Variants in CARMIL2 observed in about 807,000 individuals in gnomAD.
The protein encoded by CARMIL2 is capping protein regulator and myosin 1 linker 2, also known as capping protein, Arp2/3 and myosin-I linker protein 2.
CARMIL2 carries 96 observed loss-of-function variants against 173.3 expected under a neutral mutation model. That is an observed-to-expected ratio of 0.55 (90% CI 0.47 to 0.66). CARMIL2 has a LOEUF of 0.66. CARMIL2 is among the 30% of genes least tolerant of loss of function. CARMIL2 has a pLI of 0.00. For synonymous variants in CARMIL2, 830 were observed against 817.1 expected (o/e 1.02, Z -0.27); for missense variants, 1,771 against 1,906.7 (o/e 0.93, Z 1.33).
rs764001517 is a variant in CARMIL2, at chr16:67,654,541, G to A, written c.3431G>A (p.Arg1144His). ...CTGCGGCCGCCAACCCGTCCCAGCC[G>A]TGGTGAGGAGCTTGGTGGGGCTGAG... ...DLLRPPTRPS[R>H]GEELGGAEGD... The change falls in exon 31 of 38, where the codon CGT (arginine) becomes CAT (histidine). Residue 1144 changes from arginine to histidine, a missense_variant. By Grantham distance (29) the Arg-to-His change is conservative. Transcript: ENST00000334583. 4.3e-6 allele frequency: 7 copies of A among 1,612,050 alleles called. No homozygotes were observed. The highest frequency in any genetic ancestry group is 2.2e-5 in the South Asian group (2 of 90,914).
rs2142914761 is a variant in CARMIL2, at chr16:67,647,358, G to A, written c.747G>A (p.Glu249=). 2 of 1,583,582 alleles carry A rather than the reference G, an allele frequency of 1.3e-6. No homozygotes were observed. Among genetic ancestry groups the A allele is most frequent in the Middle Eastern group, 1.7e-4 (1 of 6,026 alleles). ...TGAGTCAGTCATCACACCTGGAGGA[G>A]CTGGTGCTGGAGACCTGCAGCCTGA... The part of the protein sequence containing the change: ...HMMSQSSHLE[E]LVLETCSLRG... The change falls in exon 10 of 38, where the codon GAG becomes GAA. Residue 249 remains glutamate (E), a synonymous_variant. Coordinates refer to ENST00000334583, the MANE Select transcript of CARMIL2 (RefSeq NM_001013838.3).
Position 67,651,626 on chromosome 16 carries a change from A to G in CARMIL2, c.2428-59A>G. On this transcript the variant is annotated intron_variant, in intron 24 of 37. Coordinates refer to ENST00000334583, the MANE Select transcript of CARMIL2 (RefSeq NM_001013838.3). This position sits in a 1 kb window ranked among gnomAD's most constrained non-coding sequence, Gnocchi z 4.2. The stretch of plus-strand genomic sequence containing the variant: ...AATATTCTGTTGGAGTTGGAGCCTC[A>G]AGCCAGCAGCCTGGTGTCTGGCCAC... 1 of 1,582,192 alleles carries G rather than the reference A, an allele frequency of 6.3e-7. No individual in the cohort carries two copies. The highest frequency in any genetic ancestry group is 8.6e-7 in the Non-Finnish European group (1 of 1,164,774).
At position 67,645,255 on chromosome 16, in the gene CARMIL2, G is replaced by A; in HGVS notation, c.9G>A (p.Gln3=). 6 of 1,600,954 alleles carry A rather than the reference G, an allele frequency of 3.7e-6. No homozygotes were observed. The highest frequency in any genetic ancestry group is 3.4e-6 in the Non-Finnish European group (4 of 1,174,676). The change falls in exon 1 of 38, where the codon CAG becomes CAA. Residue 3 remains glutamine (Q), a synonymous_variant. Transcript: ENST00000334583. MA[Q]TPDGISCELR... ...CCCGGCCCGCCCGGCCCATGGCCCAGACCCCCGACGGCATCTCCTGTGAGC... is the reference window on the plus strand; with the variant it reads ...CCCGGCCCGCCCGGCCCATGGCCCAAACCCCCGACGGCATCTCCTGTGAGC...
intron 1 of CARMIL2, 25 bp from the exon 2 acceptor site, chr16:67,645,515 C>T (rs2052576432): frequency 1.9e-6 from 3 of 1,565,096 alleles, no homozygotes; most frequent in Non-Finnish European, 2.6e-6. Context: ...GGACTGAAGT[C>T]ACCCAGCAGG....
At chr16:67,645,961 G>C in intron 3 of CARMIL2, 57 bp from the exon 4 acceptor site, 1 of 1,606,690 alleles carries the variant, frequency 6.2e-7, no homozygotes, top group South Asian at 1.1e-5. Flanking sequence ...CAAAGGACTG[G>C]ACTTCCATGA....
rs370083303 is a variant in CARMIL2, at chr16:67,647,016, C to A, written c.611+43C>A. Reference sequence around the variant, plus strand: ...ATGGGAGAGGAGGAAGATCCCGGGGCCCATATCCCTGGGCCTCAGTTTCTC... The same window carrying A: ...ATGGGAGAGGAGGAAGATCCCGGGGACCATATCCCTGGGCCTCAGTTTCTC... On this transcript the variant is annotated intron_variant, in intron 8 of 37. Coordinates refer to ENST00000334583, the MANE Select transcript of CARMIL2 (RefSeq NM_001013838.3). 4 of 1,606,802 alleles carry A rather than the reference C, an allele frequency of 2.5e-6. No homozygotes were observed. The African/African-American group carries it at 5.3e-5, about 21-fold the overall frequency.
At chr16:67,647,795 G>GC in intron 12 of CARMIL2, 29 bp downstream of exon 12, 1 of 978,936 alleles carries the variant, frequency 1.0e-6, no homozygotes. Context: ...GGGGTGAGGG[G>GC]AGGGGGGTGG....
chr16:67,656,811 G>A lies in CARMIL2; in HGVS notation c.4047G>A (p.Leu1349=). Residue 1349 remains leucine, a synonymous_variant, in exon 36 of 38, where the codon CTG becomes CTA. Coordinates refer to ENST00000334583, the MANE Select transcript of CARMIL2 (RefSeq NM_001013838.3). ...CCTGGCCTCCCTCAGATGGCCAGCT[G>A]AGGCCGAGGCCTCTCTCGGCAGGGC... ...CLGPRNEDGQ[L]RPRPLSAGRR... 1 of 1,551,150 alleles carries A rather than the reference G, an allele frequency of 6.4e-7. No homozygotes were observed. Among genetic ancestry groups the A allele is most frequent in the Non-Finnish European group, 8.7e-7 (1 of 1,147,168 alleles).
chr16:67,647,045 G>A, intron 8 of CARMIL2, 71 bp from the exon 9 acceptor site: 1 of 1,607,660 alleles, frequency 6.2e-7, no homozygotes, highest in Non-Finnish European at 8.5e-7. Flanking sequence ...GTTTCTCCAT[G>A]GAGGGGCTGC....
In CARMIL2 at chr16:67,647,863, C is replaced by T. The variant is rs1389381100; in HGVS notation, c.976C>T (p.Arg326Trp). 5.0e-6 allele frequency: 8 copies of T among 1,609,654 alleles called. No homozygotes were observed. The highest frequency in any genetic ancestry group is 2.7e-5 in the African/African-American group (2 of 74,858). The change falls in exon 13 of 38, where the codon CGG becomes TGG. Residue 326 changes from arginine (R) to tryptophan (W), a missense_variant. By Grantham distance (101) the Arg-to-Trp change is moderately radical. Coordinates refer to ENST00000334583, the MANE Select transcript of CARMIL2 (RefSeq NM_001013838.3). ...LTPRGMRALGRALATNAAFDS... is the reference protein window; with the variant it reads ...LTPRGMRALGWALATNAAFDS... ...ACCACCAGGAATGAGGGCTCTGGGC[C>T]GGGCACTGGCCACCAATGCCGCCTT...
Position 67,645,946 on chromosome 16 carries a change from C to T in CARMIL2, c.187-72C>T, listed in dbSNP as rs947097396. 6.3e-6 allele frequency: 10 copies of T among 1,598,606 alleles called. No individual in the cohort carries two copies. The African/African-American group carries it at 1.3e-4, about 21-fold the overall frequency. On this transcript the variant is annotated intron_variant, in intron 3 of 37. Transcript: ENST00000334583. Reference sequence around the variant, plus strand: ...CAGGCAGATCTGGCTCTGCCCCAGGCTGCCCAAAGGACTGGACTTCCATGA... The same window carrying T: ...CAGGCAGATCTGGCTCTGCCCCAGGTTGCCCAAAGGACTGGACTTCCATGA...
chr16:67,647,110 C>G lies in CARMIL2; in HGVS notation c.612-6C>G, dbSNP rs763125701. On this transcript the variant is annotated splice_polypyrimidine_tract_variant and splice_region_variant and intron_variant, in intron 8 of 37. Transcript: ENST00000334583. ...AGCTCTGCCTCTGTTCCCACCCTCC[C>G]ACCAGGGACCTGGCCTTGAGTGTGG... The G allele has an allele frequency of 1.9e-6, 3 of 1,613,484 alleles. No individual in the cohort carries two copies. The highest frequency in any genetic ancestry group is 2.5e-6 in the Non-Finnish European group (3 of 1,179,786).
chr16:67,654,785 C>T lies in CARMIL2; in HGVS notation c.3590C>T (p.Pro1197Leu). 1 of 1,613,332 alleles carries T rather than the reference C, an allele frequency of 6.2e-7. No individual in the cohort carries two copies. The highest frequency in any genetic ancestry group is 8.5e-7 in the Non-Finnish European group (1 of 1,179,870). ...GAGCATCTCTGTCCCTAGCGGCGGC[C>T]CCTGGAGCGGGGAGAAACAGAACTG... ...TLGARPDKRRPLERGETELAP... is the reference protein window; with the variant it reads ...TLGARPDKRRLLERGETELAP... The change falls in exon 32 of 38, where the codon CCC becomes CTC. Residue 1197 changes from proline (P) to leucine (L), a missense_variant. Physicochemically the swap from Pro to Leu is moderately conservative, Grantham distance 98 (BLOSUM62 -3). This residue lies in a region of CARMIL2 where 817 missense variants were observed against 903.5 expected (regional missense o/e 0.90). Coordinates refer to ENST00000334583, the MANE Select transcript of CARMIL2 (RefSeq NM_001013838.3).
rs2142961660 is a variant in CARMIL2 at position 67,657,116 on chromosome 16, T to A, written c.4118-123T>A. 1.4e-5 allele frequency: 13 copies of A among 915,338 alleles called. No homozygotes were observed. In the South Asian group the frequency reaches 2.0e-4, roughly 14 times the overall value. 56.7% of individuals were successfully genotyped at this position (915,338 alleles called of 1,614,324 possible). A position where few individuals can be genotyped will look rare whatever the true frequency, so the allele number is the denominator to read the frequency against. ...GGGGTGAGGACGCAGGGACGGGGGA[T>A]GCTCTGAAGGCAGCAGTGTGTGTGA... On this transcript the variant is annotated intron_variant, in intron 36 of 37. Transcript: ENST00000334583. This position sits in a 1 kb window ranked among gnomAD's most constrained non-coding sequence, Gnocchi z 4.5.
rs1299583406 is a variant in CARMIL2, at chr16:67,654,262, C to T, written c.3221+13C>T. 1 of 1,299,438 alleles carries T rather than the reference C, an allele frequency of 7.7e-7. No homozygotes were observed. The highest frequency in any genetic ancestry group is 1.1e-6 in the Non-Finnish European group (1 of 912,436). The allele number at this position is 1,299,438 out of a possible 1,614,324, so 80.5% of individuals were successfully genotyped here. On this transcript the variant is annotated intron_variant, in intron 30 of 37. Transcript: ENST00000334583. ...AGCAGGATCGCCTGTGAGTGAGGGGCATCTGCTGGGGGTGGGAGAGGGTGG... is the reference window on the plus strand; with the variant it reads ...AGCAGGATCGCCTGTGAGTGAGGGGTATCTGCTGGGGGTGGGAGAGGGTGG...
rs778129716 is a variant in CARMIL2, at chr16:67,648,147, G to A, written c.1167G>A (p.Val389=). 2 of 1,612,308 alleles carry A rather than the reference G, an allele frequency of 1.2e-6. No individual in the cohort carries two copies. The highest frequency in any genetic ancestry group is 1.1e-5 in the South Asian group (1 of 90,948). Residue 389 remains valine (V), a synonymous_variant, in exon 14 of 38, where the codon GTG becomes GTA. Transcript: ENST00000334583. The surrounding 1 kb of genome is among the most constrained non-coding windows in gnomAD (Gnocchi z 6.1). The part of the protein sequence containing the change: ...TALDTVRGCS[V]GGWMTGRADW... ...TGGACACTGTGAGGGGGTGCTCCGT[G>A]GGGGGATGGATGACCGGCAGGGCGG...
At position 67,648,843 on chromosome 16, in the gene CARMIL2, C is replaced by T; in HGVS notation, c.1510-50C>T. On this transcript the variant is annotated intron_variant, in intron 16 of 37. Coordinates refer to ENST00000334583, the MANE Select transcript of CARMIL2 (RefSeq NM_001013838.3). The surrounding 1 kb of genome is among the most constrained non-coding windows in gnomAD (Gnocchi z 6.1). The stretch of plus-strand genomic sequence containing the variant: ...GCCGTGGGCCGCCTGCCCCTCCCCA[C>T]TCGCGGCCTAAGTGGGTCCCACTTC... 1 of 1,574,382 alleles carries T rather than the reference C, an allele frequency of 6.4e-7. No homozygotes were observed.
rs2052711815 is a variant in CARMIL2, at chr16:67,651,004, C to T, written c.2185-183C>T. On this transcript the variant is annotated intron_variant, in intron 22 of 37. Coordinates refer to ENST00000334583, the MANE Select transcript of CARMIL2 (RefSeq NM_001013838.3). The surrounding 1 kb of genome is among the most constrained non-coding windows in gnomAD (Gnocchi z 4.2). The stretch of plus-strand genomic sequence containing the variant: ...GGCACTTAGGAAGTGTATATAAAGT[C>T]CTTAAAATGAACCAAAGCAACAGAT... The T allele has an allele frequency of 1.6e-6, 1 of 629,766 alleles. No homozygotes were observed. The highest frequency in any genetic ancestry group is 1.8e-5 in the African/African-American group (1 of 54,500). The allele number at this position is 629,766 out of a possible 1,614,324, so 39.0% of individuals were successfully genotyped here.
chr16:67,647,223 G>A, intron 9 of CARMIL2, 32 bp downstream of exon 9: 2 of 1,613,018 alleles, frequency 1.2e-6, no homozygotes, highest in East Asian at 2.2e-5. Flanking sequence ...GCAGGGAGGG[G>A]CCAAGGGTGT....
Sources: allele counts gnomAD v4.1 joint callset, GRCh38; gene constraint gnomAD v4.1.1; regional missense constraint gnomAD v4.1.1; non-coding constraint Gnocchi (gnomAD v3.1); transcripts MANE v1.5; gene names NCBI Gene and HGNC (gene_info 2026-07-23, HGNC 2026-07-21).